Variants in PEX5L observed in about 807,000 individuals in gnomAD.
The protein encoded by PEX5L is PEX5-related protein.
In PEX5L, 30 loss-of-function variants were observed where a neutral mutation model predicts 84.0. That is an observed-to-expected ratio of 0.36 (90% CI 0.27 to 0.48). The LOEUF (loss-of-function observed/expected upper bound fraction) is 0.48. PEX5L is among the 20% of genes least tolerant of loss of function. The pLI is 0.99. For synonymous variants in PEX5L, 270 were observed against 283.1 expected, an observed-to-expected ratio of 0.95 and a Z score of 0.46; for missense variants, 533 against 754.6, an observed-to-expected ratio of 0.71 and a Z score of 3.44.
Position 179,807,712 on chromosome 3 carries a change from G to A in PEX5L, c.1638C>T (p.Tyr546=). The change falls in exon 14 of 15, where the codon TAC becomes TAT. Residue 546 remains tyrosine (Y), a synonymous_variant. Transcript: ENST00000467460. ...GGTTGATGCAGCTTATTCCTAGGTT[G>A]TATCTGGACCGGATGAATCCTGGCT... ...EIQPGFIRSR[Y]NLGISCINLG... 1 of 1,614,182 alleles carries A rather than the reference G, an allele frequency of 6.2e-7. No homozygotes were observed. The highest frequency in any genetic ancestry group is 1.1e-5 in the South Asian group (1 of 91,088).
intron 2 of PEX5L, among the ~76,000 whole-genome samples, chr3:179,940,335 T>G (rs1775737376): frequency 3.5e-5 from 5 of 144,354 alleles, no homozygotes; most frequent in Admixed American, 1.4e-4. Context: ...AAGAAAGAGG[T>G]GGTGAGAGAG....
chr3:180,024,808 G>A (rs1404168411), intron 1 of PEX5L, among the ~76,000 whole-genome samples: 1 of 152,164 alleles, frequency 6.6e-6, no homozygotes, highest in Non-Finnish European at 1.5e-5. Context: ...CAGCAGTTCC[G>A]ACATCATAAC....
At chr3:179,859,035 G>GA (rs776449818) in intron 8 of PEX5L, 27 bp downstream of exon 8, 5 of 1,510,656 alleles carry the variant, frequency 3.3e-6, no homozygotes, top group Non-Finnish European at 4.6e-6. Context: ...GCATGAAACA[G>GA]AAAAAACTAA....
intron 7 of PEX5L, among the ~76,000 whole-genome samples, chr3:179,862,383 T>C (rs1323853411): frequency 6.6e-6 from 1 of 152,172 alleles, no homozygotes; most frequent in Non-Finnish European, 1.5e-5. Context: ...TAAACAAATA[T>C]AAAGGGGAAG....
At chr3:179,806,269 C>T (rs943231910) in intron 14 of PEX5L, among the ~76,000 whole-genome samples, 4 of 152,110 alleles carry the variant, frequency 2.6e-5, no homozygotes, top group Admixed American at 1.3e-4. Flanking sequence ...AATAGACATC[C>T]GCAGGGCTTG....
At chr3:180,004,692 AG>A (rs1788718218) in intron 1 of PEX5L, among the ~76,000 whole-genome samples, 1 of 152,148 alleles carries the variant, frequency 6.6e-6, no homozygotes, top group Non-Finnish European at 1.5e-5. Context: ...GCTCCACCCA[AG>A]ATATACTGAA....
chr3:179,921,664 T>C (rs1769454351), intron 2 of PEX5L: 1 of 152,182 alleles, frequency 6.6e-6, no homozygotes, highest in South Asian at 2.1e-4. Flanking sequence ...TGGTGTACAA[T>C]GGTAGGGACA....
At chr3:179,942,526 C>T (rs955811662) in intron 2 of PEX5L, among the ~76,000 whole-genome samples, 5 of 152,230 alleles carry the variant, frequency 3.3e-5, no homozygotes, top group Non-Finnish European at 5.9e-5. Context: ...CACTCGGAGG[C>T]GCGGAATCTC....
intron 7 of PEX5L, among the ~76,000 whole-genome samples, chr3:179,861,881 A>C (rs940863306): frequency 2.6e-5 from 4 of 152,182 alleles, no homozygotes; most frequent in African/African-American, 9.7e-5. Flanking sequence ...AGGCAAATTG[A>C]GGTTGTGTGA....
intron 7 of PEX5L, among the ~76,000 whole-genome samples, chr3:179,863,772 G>A (rs373032641): frequency 1.3e-5 from 2 of 152,058 alleles, no homozygotes; most frequent in Non-Finnish European, 2.9e-5. Context: ...CAGGACGAGG[G>A]TCCTCAATAA....
chr3:179,855,759 T>C (rs2108502319), intron 8 of PEX5L, among the ~76,000 whole-genome samples: 1 of 152,238 alleles, frequency 6.6e-6, no homozygotes, highest in Middle Eastern at 3.4e-3. Flanking sequence ...TTTGTTAGCC[T>C]TTTTTGCCCT....
rs183768609 is a variant in PEX5L, at chr3:179,993,883, A to G, written c.22-22218T>C. ...TCCCTAAATAATACAGAAACACAGGAAAATAAGTCTGTACATGTTCAATGC... is the reference window on the plus strand; with the variant it reads ...TCCCTAAATAATACAGAAACACAGGGAAATAAGTCTGTACATGTTCAATGC... On this transcript the variant is annotated intron_variant, in intron 1 of 14. Transcript: ENST00000467460. Among the ~76,000 whole-genome samples, 3 of 152,334 alleles carry G rather than the reference A, an allele frequency of 2.0e-5. No individual in the cohort carries two copies. In the East Asian group the frequency reaches 5.8e-4, roughly 29 times the overall value.
At chr3:179,933,818 C>T (rs1773807336) in intron 2 of PEX5L, among the ~76,000 whole-genome samples, 1 of 152,222 alleles carries the variant, frequency 6.6e-6, no homozygotes, top group African/African-American at 2.4e-5. Flanking sequence ...TTCAGTAGGC[C>T]TTTGCAGAGT....
intron 8 of PEX5L, among the ~76,000 whole-genome samples, chr3:179,828,663 ATGTGTGTGTGTG>A (rs111516926): frequency 1.3e-4 from 19 of 146,438 alleles, no homozygotes; most frequent in Middle Eastern, 7.1e-3. Flanking sequence ...AACTATGTGT[ATGTGTGTGTGTG>A]TGTGTGTGTG....
intron 3 of PEX5L, among the ~76,000 whole-genome samples, chr3:179,897,456 C>T (rs1391322941): frequency 1.3e-5 from 2 of 152,120 alleles, no homozygotes; most frequent in Admixed American, 1.3e-4. Context: ...GATTCACAGT[C>T]TCCACATGTC....
intron 8 of PEX5L, among the ~76,000 whole-genome samples, chr3:179,823,631 T>C (rs113831125): frequency 0.013 from 1,913 of 152,330 alleles, 34 homozygotes; most frequent in African/African-American, 0.036. Context: ...AATTTCAGTT[T>C]CTCCATGATG....
chr3:179,831,681 A>T (rs1733015621), intron 8 of PEX5L, among the ~76,000 whole-genome samples: 1 of 152,210 alleles, frequency 6.6e-6, no homozygotes, highest in Non-Finnish European at 1.5e-5. Context: ...ACCTAGACTT[A>T]GGAGTTCAGG....
At chr3:179,858,664 A>C (rs1001897489) in intron 8 of PEX5L, among the ~76,000 whole-genome samples, 2 of 152,186 alleles carry the variant, frequency 1.3e-5, no homozygotes, top group African/African-American at 4.8e-5. Flanking sequence ...CTTCTGTTTC[A>C]GACATTGTGC....
At chr3:180,027,009 C>T (rs1340911736) in intron 1 of PEX5L, among the ~76,000 whole-genome samples, 1 of 152,142 alleles carries the variant, frequency 6.6e-6, no homozygotes, top group African/African-American at 2.4e-5. Flanking sequence ...GCCGTATCTG[C>T]CCTCCATTTT....
Sources: gnomAD v4.1 joint callset for allele counts (sites outside exome capture counted in the v4.1 genomes callset) on GRCh38, gnomAD v4.1.1 for gene constraint, MANE v1.5 for transcripts, NCBI Gene and HGNC (gene_info 2026-07-23, HGNC 2026-07-21) for gene names.